Variants in CPZ observed in about 807,000 individuals in gnomAD.
CPZ encodes carboxypeptidase Z, also known as VEZT/CPZ fusion.
Under a neutral mutation model 61.8 loss-of-function variants are expected in CPZ, and 103 were observed. The ratio of observed to expected loss-of-function variants is 1.67; its 90% CI spans 1.42 to 1.96. The LOEUF is 1.96. Among genes scored for constraint, CPZ ranks in the 30% most tolerant of loss-of-function variants. The probability of loss-of-function intolerance (pLI) is 0.00; values close to 1 mark genes in which losing one functional copy is unlikely to be tolerated. For synonymous variants in CPZ, 551 were observed against 373.7 expected (o/e 1.47, Z -5.47); for missense variants, 1,461 against 914.9 (o/e 1.60, Z -7.70).
chr4:8,609,449 A>C (rs4696715), intron 7 of CPZ, among the ~76,000 whole-genome samples: 42,565 of 141,712 alleles, frequency 0.3, 6,272 homozygotes, highest in East Asian at 0.34. Context: ...TGACTCTTGC[A>C]GGTAGTGCAC....
intron 8 of CPZ, among the ~76,000 whole-genome samples, chr4:8,613,133 C>CTTTT (rs36005113): frequency 7.4e-6 from 1 of 134,710 alleles, no homozygotes; most frequent in Admixed American, 7.4e-5. Context: ...CTCTCTGTTC[C>CTTTT]TTTTTTTTTT....
At chr4:8,611,616 G>C (rs1344967031) in intron 7 of CPZ, among the ~76,000 whole-genome samples, 1 of 152,192 alleles carries the variant, frequency 6.6e-6, no homozygotes, top group African/African-American at 2.4e-5. Flanking sequence ...TGGAGATGAA[G>C]TCGGGGAAAA....
chr4:8,599,498 G>A lies in CPZ; in HGVS notation c.121+13G>A. 1 of 1,613,644 alleles carries A rather than the reference G, an allele frequency of 6.2e-7. No individual in the cohort carries two copies. The highest frequency in any genetic ancestry group is 8.5e-7 in the Non-Finnish European group (1 of 1,179,776). ...GCTGCAGACAGCGGTACAGTACCGG[G>A]ACCTCCCTGGCTTCTGTTCTGTAGG... is the stretch of plus-strand genomic sequence containing the variant. On this transcript the variant is annotated intron_variant, in intron 2 of 10. Coordinates refer to ENST00000360986, the MANE Select transcript of CPZ (RefSeq NM_001014447.3).
Position 8,603,955 on chromosome 4 carries a change from GC to G in CPZ, c.497-14del, listed in dbSNP as rs751510690. The G allele has an allele frequency of 6.2e-4, 993 of 1,607,570 alleles. 12 individuals are homozygous for G. Among genetic ancestry groups the G allele is most frequent in the Admixed American group, 1.5e-4 (9 of 59,966 alleles). On this transcript the variant is annotated intron_variant, in intron 3 of 10. Coordinates refer to ENST00000360986, the MANE Select transcript of CPZ (RefSeq NM_001014447.3). Reference sequence around the variant, plus strand: ...AGCCTGGGGGCCTGACACTGACTGAGCCCCCCCACTGCTCCCCCAGGAGGCC... The same window carrying G: ...AGCCTGGGGGCCTGACACTGACTGAGCCCCCCACTGCTCCCCCAGGAGGCC...
chr4:8,616,111 G>A (rs1716135035), intron 9 of CPZ, among the ~76,000 whole-genome samples: 1 of 152,240 alleles, frequency 6.6e-6, no homozygotes, highest in African/African-American at 2.4e-5. Context: ...TTTACAGCAA[G>A]CGTGGACCTT....
chr4:8,611,296 A>G (rs982339350), intron 7 of CPZ: 9 of 456,082 alleles, frequency 2.0e-5, no homozygotes, highest in African/African-American at 1.2e-4. Context: ...CAGACGGCCC[A>G]GAGCCCCCAC....
chr4:8,604,726 G>A (rs112564984), intron 4 of CPZ, among the ~76,000 whole-genome samples: 10 of 152,280 alleles, frequency 6.6e-5, no homozygotes, highest in South Asian at 4.2e-4. Context: ...CAAGTGATCC[G>A]CCCAGCTCGG....
At chr4:8,604,715 T>C (rs1714808226) in intron 4 of CPZ, among the ~76,000 whole-genome samples, 1 of 152,208 alleles carries the variant, frequency 6.6e-6, no homozygotes, top group African/African-American at 2.4e-5. Context: ...ACTCCTGACC[T>C]CAAGTGATCC....
chr4:8,612,573 A>G (rs1715807423), intron 8 of CPZ, among the ~76,000 whole-genome samples: 1 of 152,234 alleles, frequency 6.6e-6, no homozygotes, highest in African/African-American at 2.4e-5. Context: ...TATGCTTACA[A>G]GAACCCGCAT....
At chr4:8,609,117 C>CATTCACTCATTCACTCACTCACTCCCTT (rs1560297856) in intron 7 of CPZ, among the ~76,000 whole-genome samples, 7 of 39,058 alleles carry the variant, frequency 1.8e-4, no homozygotes, top group Non-Finnish European at 4.4e-5. Flanking sequence ...CTTCCTCACT[C>CATTCACTCATTCACTCACTCACTCCCTT]CCTCACTCAT....
Position 8,613,123 on chromosome 4 carries a change from C to T in CPZ, c.1363+961C>T, listed in dbSNP as rs544170243. The stretch of plus-strand genomic sequence containing the variant: ...CCACGAGCAGAGCTGGGAGAGGCCC[C>T]TCTCTGTTCCTTTTTTTTTTTTTTT... On this transcript the variant is annotated intron_variant, in intron 8 of 10. Transcript: ENST00000360986. 5.3e-5 allele frequency among the ~76,000 whole-genome samples: 8 copies of T among 150,052 alleles called. No homozygotes were observed. The East Asian group carries it at 1.6e-3, about 30-fold the overall frequency.
At chr4:8,615,881 A>C (rs2109345950) in intron 9 of CPZ, among the ~76,000 whole-genome samples, 1 of 152,332 alleles carries the variant, frequency 6.6e-6, no homozygotes, top group Non-Finnish European at 1.5e-5. Flanking sequence ...ACAAAGCCCC[A>C]CACAAAGTAA....
At chr4:8,613,030 T>C (rs1324960152) in intron 8 of CPZ, among the ~76,000 whole-genome samples, 1 of 152,184 alleles carries the variant, frequency 6.6e-6, no homozygotes, top group Non-Finnish European at 1.5e-5. Flanking sequence ...CCTCTCTCCC[T>C]TCCAGAACCC....
chr4:8,611,314 G>GA (rs1221480381), intron 7 of CPZ: 1 of 455,424 alleles, frequency 2.2e-6, no homozygotes, highest in Non-Finnish European at 4.4e-6. Context: ...CACAAAGGAG[G>GA]ATCTGTGGAC....
chr4:8,604,386 C>T (rs1714790807), intron 4 of CPZ, among the ~76,000 whole-genome samples, 198 bp downstream of exon 4: 1 of 152,210 alleles, frequency 6.6e-6, no homozygotes, highest in South Asian at 2.1e-4. Context: ...CTCCAGATAT[C>T]CATCTTACTT....
At chr4:8,593,608 T>C (rs1407674418) in intron 1 of CPZ, among the ~76,000 whole-genome samples, 1 of 152,144 alleles carries the variant, frequency 6.6e-6, no homozygotes, top group African/African-American at 2.4e-5. Flanking sequence ...TAGCCAACCG[T>C]GCTCAGGACT....
chr4:8,593,876 A>G (rs894515515), intron 1 of CPZ, among the ~76,000 whole-genome samples: 2 of 151,332 alleles, frequency 1.3e-5, no homozygotes, highest in African/African-American at 4.9e-5. Context: ...GCTCTTTTCT[A>G]CCCGCTGCGT....
In CPZ at chr4:8,607,286, C is replaced by T. The variant is rs537180657; in HGVS notation, c.1088C>T (p.Ala363Val). 14 of 1,614,058 alleles carry T rather than the reference C, an allele frequency of 8.7e-6. No individual in the cohort carries two copies. Among genetic ancestry groups the T allele is most frequent in the Middle Eastern group, 1.7e-4 (1 of 6,058 alleles). ...WWGKVAPETKAIMKWMQTIPF... is the reference protein window; with the variant it reads ...WWGKVAPETKVIMKWMQTIPF... ...GGGCAGGTGGCCCCGGAGACAAAGG[C>T]AATCATGAAGTGGATGCAGACCATA... Residue 363 changes from alanine to valine, a missense_variant, in exon 7 of 11, where the codon GCA becomes GTA. By Grantham distance (64) the Ala-to-Val change is moderately conservative (BLOSUM62 0). Coordinates refer to ENST00000360986, the MANE Select transcript of CPZ (RefSeq NM_001014447.3).
Position 8,618,514 on chromosome 4 carries a change from A to C in CPZ, c.1589A>C (p.His530Pro), listed in dbSNP as rs758480245. ...CGGATCTCAGTCAAAGGCATTCGCC[A>C]CGACATCACCACAGGTGAGCACGTC... ...NARISVKGIR[H>P]DITTAPDGDY... is the part of the protein sequence containing the mutation. The change falls in exon 10 of 11, where the codon CAC (histidine) becomes CCC (proline). Residue 530 changes from histidine to proline, a missense_variant. Physicochemically the swap from His to Pro is moderately conservative, Grantham distance 77. Coordinates refer to ENST00000360986, the MANE Select transcript of CPZ (RefSeq NM_001014447.3). 6.2e-7 allele frequency: 1 copy of C among 1,613,880 alleles called. No homozygotes were observed. Among genetic ancestry groups the C allele is most frequent in the South Asian group, 1.1e-5 (1 of 91,074 alleles).
Sources: allele counts gnomAD v4.1 joint callset (sites outside exome capture counted in the v4.1 genomes callset), GRCh38; gene constraint gnomAD v4.1.1; transcripts MANE v1.5; gene names NCBI Gene and HGNC (gene_info 2026-07-23, HGNC 2026-07-21).